Variants in JPH2 observed in about 807,000 individuals in gnomAD.
JPH2 encodes the protein junctophilin 2, also known as junctophilin-2.
A neutral mutation model predicts 55.9 loss-of-function variants in JPH2; 38 were observed. The observed-to-expected ratio is 0.68, with a 90% CI of 0.52 to 0.89. The LOEUF (loss-of-function observed/expected upper bound fraction) is 0.89. Ranked by LOEUF, JPH2 falls within the 40% of genes least tolerant of loss-of-function variation. The pLI is 0.00. For missense variants in JPH2, 964 were observed against 1,037.6 expected (o/e 0.93, Z 0.97); for synonymous variants, 480 against 472.4 (o/e 1.02, Z -0.21).
chr20:44,129,721 G>A (rs1393695402), intron 2 of JPH2, among the ~76,000 whole-genome samples: 1 of 152,128 alleles, frequency 6.6e-6, no homozygotes, highest in Non-Finnish European at 1.5e-5. Context: ...GGCTTTGCAG[G>A]TGTGATTAAA....
chr20:44,126,767 T>G (rs2072280071), intron 2 of JPH2, among the ~76,000 whole-genome samples: 1 of 152,202 alleles, frequency 6.6e-6, no homozygotes. Context: ...GCTAGAGACA[T>G]GGACAGTGGT....
intron 2 of JPH2, among the ~76,000 whole-genome samples, chr20:44,128,781 G>A (rs892172427): frequency 6.6e-6 from 1 of 151,846 alleles, no homozygotes; most frequent in African/African-American, 2.4e-5. Context: ...TGAACTCCTG[G>A]GCTCAAGTTA....
intron 1 of JPH2, chr20:44,177,254 C>G (rs2072741866): frequency 1.0e-6 from 1 of 985,940 alleles, no homozygotes; most frequent in African/African-American, 1.7e-5. Context: ...CCCTGTCCCC[C>G]TCGCCCCACA....
chr20:44,137,463 C>T (rs989326263), intron 2 of JPH2, among the ~76,000 whole-genome samples: 1 of 152,198 alleles, frequency 6.6e-6, no homozygotes, highest in Non-Finnish European at 1.5e-5. Context: ...AGAGCAGATC[C>T]CAGTGTCACT....
In JPH2 at chr20:44,135,832, CTG is replaced by C. The variant is rs200593788; in HGVS notation, c.1170-17211_1170-17210del. Among the ~76,000 whole-genome samples the C allele has an allele frequency of 5.3e-3, 808 of 152,220 alleles. 12 individuals are homozygous for C. Among genetic ancestry groups the C allele is most frequent in the African/African-American group, 0.019 (778 of 41,526 alleles). ...AGGGGAAACTGTGGCCCAGAGAAGTCTGTGTGATCATTTTCAATTTTCAATCA... is the reference window on the plus strand; with the variant it reads ...AGGGGAAACTGTGGCCCAGAGAAGTCTGTGATCATTTTCAATTTTCAATCA... On this transcript the variant is annotated intron_variant, in intron 2 of 5. Coordinates refer to ENST00000372980, the MANE Select transcript of JPH2 (RefSeq NM_020433.5).
chr20:44,122,069 T>C (rs574141652), intron 2 of JPH2, among the ~76,000 whole-genome samples: 67 of 152,252 alleles, frequency 4.4e-4, no homozygotes, highest in Non-Finnish European at 7.6e-4. Context: ...ACCAAAGCAT[T>C]CTGGGATCTA....
chr20:44,158,995 G>A (rs147841956), intron 2 of JPH2, among the ~76,000 whole-genome samples: 65 of 152,278 alleles, frequency 4.3e-4, no homozygotes, highest in Middle Eastern at 3.4e-3. Flanking sequence ...GTAGTTGGAC[G>A]GGTGGTTGAG....
Position 44,116,051 on chromosome 20 carries a change from G to C in JPH2, c.1624C>G (p.Arg542Gly), listed in dbSNP as rs534764809. The C allele has an allele frequency of 1.9e-6, 3 of 1,562,948 alleles. No individual in the cohort carries two copies. The highest frequency in any genetic ancestry group is 2.4e-5 in the East Asian group (1 of 42,268). The part of the protein sequence containing the change: ...RRSPARPATE[R>G]MAIEALQAPP... The stretch of plus-strand genomic sequence containing the variant: ...GCCTGCAGAGCCTCGATGGCCATGC[G>C]CTCGGTGGCTGGACGCGCGGGGCTG... Residue 542 changes from arginine (R) to glycine (G), a missense_variant, in exon 4 of 6, where the codon CGC becomes GGC. By Grantham distance (125) the Arg-to-Gly change is moderately radical. Coordinates refer to ENST00000372980, the MANE Select transcript of JPH2 (RefSeq NM_020433.5).
rs1272859605 is a variant in JPH2 at position 44,116,383 on chromosome 20, G to A, written c.1292C>T (p.Pro431Leu). ...ELAPDFYQPG[P>L]EYQKRRLLQE... ...CAGCAGCCGGCGCTTCTGATATTCC[G>A]GACCTGCCAGGGCAACACAGGGAGG... Residue 431 changes from proline (P) to leucine (L), a missense_variant, in exon 4 of 6, where the codon CCG (proline) becomes CTG (leucine). By Grantham distance (98) the Pro-to-Leu change is moderately conservative. Coordinates refer to ENST00000372980, the MANE Select transcript of JPH2 (RefSeq NM_020433.5). 2.6e-5 allele frequency: 41 copies of A among 1,547,504 alleles called. No individual in the cohort carries two copies. Among genetic ancestry groups the A allele is most frequent in the Admixed American group, 7.8e-5 (4 of 50,960 alleles).
At chr20:44,116,422 C>T (rs184801349) in intron 3 of JPH2, 36 bp from the exon 4 acceptor site, 6 of 1,543,400 alleles carry the variant, frequency 3.9e-6, no homozygotes, top group Non-Finnish European at 5.2e-6. Context: ...GGCTCGAACC[C>T]CGCACCACTG....
intron 1 of JPH2, among the ~76,000 whole-genome samples, chr20:44,170,693 C>G (rs1466947247): frequency 2.0e-5 from 3 of 152,174 alleles, no homozygotes. Context: ...GAAAGTAAGC[C>G]AGGGCTAAGA....
chr20:44,178,098 T>C lies in JPH2; in HGVS notation c.379+8229A>G, dbSNP rs183962581. On this transcript the variant is annotated intron_variant, in intron 1 of 5. Coordinates refer to ENST00000372980, the MANE Select transcript of JPH2 (RefSeq NM_020433.5). ...CTACTCTAAGTCTCAGTTGCTTAAATATCACATGTCTTCCTTTAGTAATAT... is the reference window on the plus strand; with the variant it reads ...CTACTCTAAGTCTCAGTTGCTTAAACATCACATGTCTTCCTTTAGTAATAT... 2.8e-3 allele frequency: 2,114 copies of C among 756,024 alleles called. 6 individuals are homozygous for C. Among genetic ancestry groups the C allele is most frequent in the Non-Finnish European group, 3.0e-3 (1,229 of 404,466 alleles). 46.8% of individuals were successfully genotyped at this position (756,024 alleles called of 1,614,324 possible). A position where few individuals can be genotyped will look rare whatever the true frequency, so the allele number is the denominator to read the frequency against.
chr20:44,124,168 A>C (rs562747525), intron 2 of JPH2, among the ~76,000 whole-genome samples: 21 of 152,128 alleles, frequency 1.4e-4, no homozygotes, highest in Non-Finnish European at 2.6e-4. Flanking sequence ...CTCTCACCCA[A>C]TAGAGCAACT....
chr20:44,123,699 G>A (rs543643104), intron 2 of JPH2, among the ~76,000 whole-genome samples: 2 of 152,230 alleles, frequency 1.3e-5, no homozygotes, highest in African/African-American at 2.4e-5. Flanking sequence ...TTCATCACCC[G>A]GAAGCTCAGA....
intron 2 of JPH2, among the ~76,000 whole-genome samples, chr20:44,146,008 T>C (rs2072491599): frequency 6.6e-6 from 1 of 150,756 alleles, no homozygotes; most frequent in Non-Finnish European, 1.5e-5. Context: ...AAGGCCTGGC[T>C]CCCCAAAATG....
chr20:44,123,440 T>G (rs2072252843), intron 2 of JPH2, among the ~76,000 whole-genome samples: 1 of 151,982 alleles, frequency 6.6e-6, no homozygotes, highest in Admixed American at 6.6e-5. Context: ...TCAGCGAGCT[T>G]GCTTAACCAC....
intron 5 of JPH2, among the ~76,000 whole-genome samples, 197 bp downstream of exon 5, chr20:44,114,565 AGTGTGTGTGTGTGTGTGTGT>A (rs3037626): frequency 5.8e-4 from 82 of 141,984 alleles, no homozygotes; most frequent in African/African-American, 1.6e-3. Context: ...TAATGAAGTA[AGTGTGTGTGTGTGTGTGTGT>A]GTGTGTGTGT....
At chr20:44,120,186 C>T (rs1216740795) in intron 2 of JPH2, among the ~76,000 whole-genome samples, 5 of 152,088 alleles carry the variant, frequency 3.3e-5, no homozygotes, top group Non-Finnish European at 1.5e-5. Context: ...TAACCTACAC[C>T]GTCCAAGTTC....
At chr20:44,123,775 CTG>C (rs2072256586) in intron 2 of JPH2, among the ~76,000 whole-genome samples, 2 of 152,224 alleles carry the variant, frequency 1.3e-5, no homozygotes, top group Admixed American at 6.5e-5. Flanking sequence ...GCCTAGGAAT[CTG>C]TGTTTTATAT....
Sources: gnomAD v4.1 joint callset for allele counts (sites outside exome capture counted in the v4.1 genomes callset) on GRCh38, gnomAD v4.1.1 for gene constraint, MANE v1.5 for transcripts, NCBI Gene and HGNC (gene_info 2026-07-23, HGNC 2026-07-21) for gene names.